The following GALNT13 variants were observed in gnomAD, a reference collection of about 807,000 sequenced individuals.
GALNT13 encodes UDP-GalNAc:polypeptide N-acetylgalactosaminyltransferase 13.
GALNT13 carries 28 observed loss-of-function variants against 64.2 expected under a neutral mutation model. The ratio of observed to expected loss-of-function variants is 0.44; its 90% CI spans 0.32 to 0.60. The LOEUF (loss-of-function observed/expected upper bound fraction) is 0.60, where lower values mean the gene tolerates loss of function less well. Among genes scored for constraint, GALNT13 ranks in the 20% least tolerant of loss-of-function variants. GALNT13 has a pLI of 0.05. For missense variants in GALNT13, 577 were observed against 669.8 expected (o/e 0.86, Z 1.53); for synonymous variants, 214 against 224.6 (o/e 0.95, Z 0.42).
chr2:153,534,685 C>T, the GALNT13 span, among the ~76,000 whole-genome samples: 366 of 151,410 alleles, frequency 2.4e-3, 2 homozygotes, highest in East Asian at 0.06. Context: ...TGTTCTCTGG[C>T]GGGCAGGAGT....
At chr2:153,654,610 C>T in the GALNT13 span, among the ~76,000 whole-genome samples, 2 of 151,962 alleles carry the variant, frequency 1.3e-5, no homozygotes, top group African/African-American at 4.8e-5. Flanking sequence ...ATTCAACCAT[C>T]TGAGGATCAA....
the GALNT13 span, among the ~76,000 whole-genome samples, chr2:153,147,062 C>CATTTTATA: frequency 6.6e-6 from 1 of 151,876 alleles, no homozygotes; most frequent in South Asian, 2.1e-4. Context: ...AGTAGTATCT[C>CATTTTATA]ATTTTATAGG....
chr2:153,112,370 G>A, the GALNT13 span, among the ~76,000 whole-genome samples: 1 of 152,116 alleles, frequency 6.6e-6, no homozygotes, highest in Non-Finnish European at 1.5e-5. Context: ...GCCTATGACT[G>A]GGTGTGTTAG....
At chr2:154,334,830 T>TCCA (rs1408814994) in intron 9 of GALNT13, among the ~76,000 whole-genome samples, 5 of 151,992 alleles carry the variant, frequency 3.3e-5, no homozygotes, top group African/African-American at 1.2e-4. Flanking sequence ...TCCACCTGTT[T>TCCA]CCTTAATTCA....
At chr2:153,566,498 G>GCGC in the GALNT13 span, among the ~76,000 whole-genome samples, 1 of 151,818 alleles carries the variant, frequency 6.6e-6, no homozygotes, top group African/African-American at 2.4e-5. Context: ...GGGACTACAG[G>GCGC]CGCCTGCCAC....
the GALNT13 span, among the ~76,000 whole-genome samples, chr2:153,249,400 T>C: frequency 6.6e-6 from 1 of 152,038 alleles, no homozygotes; most frequent in African/African-American, 2.4e-5. Context: ...TGGGAAAAAA[T>C]TTCATGCTCA....
chr2:154,058,608 G>A (rs1700019226), intron 3 of GALNT13, among the ~76,000 whole-genome samples: 1 of 152,264 alleles, frequency 6.6e-6, no homozygotes, highest in East Asian at 1.9e-4. Context: ...TTGTCCTGTG[G>A]ATATTTGGGA....
chr2:154,103,662 C>T (rs1702461299), intron 3 of GALNT13, among the ~76,000 whole-genome samples: 1 of 152,092 alleles, frequency 6.6e-6, no homozygotes, highest in Non-Finnish European at 1.5e-5. Flanking sequence ...TTATTCTTTT[C>T]TCCCCTGTGG....
intron 3 of GALNT13, among the ~76,000 whole-genome samples, chr2:154,029,748 CTG>C (rs1249740088): frequency 1.3e-5 from 2 of 152,018 alleles, no homozygotes; most frequent in African/African-American, 4.8e-5. Context: ...CATAATAAAA[CTG>C]TGAGACAGAA....
the GALNT13 span, among the ~76,000 whole-genome samples, chr2:153,539,851 G>T: frequency 6.6e-6 from 1 of 152,074 alleles, no homozygotes; most frequent in African/African-American, 2.4e-5. Context: ...TGTTCTTTTG[G>T]CTTAGGATTG....
chr2:154,043,414 T>TTATATATATATATATATATA (rs1179722579), intron 3 of GALNT13, among the ~76,000 whole-genome samples: 1 of 78,258 alleles, frequency 1.3e-5, no homozygotes, highest in Admixed American at 1.4e-4. Context: ...ATAAGGACTT[T>TTATATATATATATATATATA]TATATATATA....
At chr2:153,941,717 A>T (rs888550961) in intron 2 of GALNT13, among the ~76,000 whole-genome samples, 5 of 152,204 alleles carry the variant, frequency 3.3e-5, no homozygotes, top group African/African-American at 9.7e-5. Flanking sequence ...ATTATTTTAT[A>T]AGTGCCAGGG....
chr2:153,198,685 T>C, the GALNT13 span, among the ~76,000 whole-genome samples: 1 of 152,222 alleles, frequency 6.6e-6, no homozygotes. Flanking sequence ...TCTTTTGCCT[T>C]CTTTTCTTTT....
At chr2:153,085,433 G>A in the GALNT13 span, among the ~76,000 whole-genome samples, 1 of 152,138 alleles carries the variant, frequency 6.6e-6, no homozygotes, top group Non-Finnish European at 1.5e-5. Context: ...AAAAGGTTTT[G>A]TGGGCCAGCC....
chr2:154,269,816 A>C (rs1338531192), intron 8 of GALNT13, among the ~76,000 whole-genome samples: 2 of 149,086 alleles, frequency 1.3e-5, no homozygotes, highest in Admixed American at 1.4e-4. Flanking sequence ...GGGCTTTTTA[A>C]ATTTAAACCA....
rs890968900 is a variant in GALNT13, at chr2:154,451,237, C to T, written c.*686C>T. The T allele has an allele frequency of 6.6e-6, 1 of 152,098 alleles. No homozygotes were observed. Among genetic ancestry groups the T allele is most frequent in the Non-Finnish European group, 1.5e-5 (1 of 67,994 alleles). 9.4% of individuals were successfully genotyped at this position (152,098 alleles called of 1,614,324 possible). On this transcript the variant is annotated 3_prime_UTR_variant, in exon 13 of 13. Transcript: ENST00000392825. ...TGAGGGGAACAAGATGAGTCTAATC[C>T]GCAGCACTTCGATCACTGTGAGAGA... is the stretch of plus-strand genomic sequence containing the variant.
the GALNT13 span, among the ~76,000 whole-genome samples, chr2:153,232,535 AATCT>A: frequency 2.6e-5 from 4 of 152,322 alleles, no homozygotes; most frequent in Admixed American, 1.3e-4. Context: ...AGAGAATCTT[AATCT>A]ATCTGCTCTC....
the GALNT13 span, among the ~76,000 whole-genome samples, chr2:153,458,542 C>T: frequency 6.6e-6 from 1 of 152,142 alleles, no homozygotes; most frequent in African/African-American, 2.4e-5. Flanking sequence ...GCCTTCCTAG[C>T]CAGATTTTCC....
the GALNT13 span, among the ~76,000 whole-genome samples, chr2:153,251,003 C>G: frequency 6.6e-6 from 1 of 152,110 alleles, no homozygotes; most frequent in Non-Finnish European, 1.5e-5. Flanking sequence ...TGTAACAAAC[C>G]TGCACATTCT....
Sources: allele counts gnomAD v4.1 joint callset (sites outside exome capture counted in the v4.1 genomes callset), GRCh38; gene constraint gnomAD v4.1.1; transcripts MANE v1.5; gene names NCBI Gene and HGNC (gene_info 2026-07-23, HGNC 2026-07-21).